PASK: variants seen among roughly 807,000 people sequenced by gnomAD.
PASK encodes the protein PAS domain-containing serine/threonine-protein kinase.
In PASK, 110 loss-of-function variants were observed where a neutral mutation model predicts 121.0. That is an observed-to-expected ratio of 0.91 (90% CI 0.78 to 1.06). The LOEUF (loss-of-function observed/expected upper bound fraction) is 1.06, where lower values mean the gene tolerates loss of function less well. Ranked by LOEUF, PASK falls within the 50% of genes least tolerant of loss-of-function variation. The probability of loss-of-function intolerance (pLI) is 0.00; values close to 1 mark genes in which losing one functional copy is unlikely to be tolerated. For missense variants in PASK, 1,643 were observed against 1,702.3 expected (o/e 0.97, Z 0.61); for synonymous variants, 686 against 717.8 (o/e 0.96, Z 0.71).
Position 241,126,695 on chromosome 2 carries a change from G to A in PASK, c.2220C>T (p.Ser740=), listed in dbSNP as rs2125428261. The A allele has an allele frequency of 6.2e-7, 1 of 1,614,218 alleles. No individual in the cohort carries two copies. The highest frequency in any genetic ancestry group is 1.1e-5 in the South Asian group (1 of 91,088). The stretch of plus-strand genomic sequence containing the variant: ...TGAAAAAGAGTTCCTTGAGGTTCCA[G>A]GAAAACGAATTCACATCAACCTCCT... ...EAQEVDVNSF[S]WNLKELFFSD... The change falls in exon 10 of 18, where the codon TCC becomes TCT. Residue 740 remains serine (S), a synonymous_variant. Coordinates refer to ENST00000234040, the MANE Select transcript of PASK (RefSeq NM_015148.4).
chr2:241,139,085 C>A (rs1366592515), intron 4 of PASK, among the ~76,000 whole-genome samples: 1 of 152,206 alleles, frequency 6.6e-6, no homozygotes, highest in Non-Finnish European at 1.5e-5. Flanking sequence ...CAGACACCAA[C>A]ACATGGTGAA....
upstream of PASK, chr2:241,150,254 C>G (rs950032386): frequency 2.3e-6 from 3 of 1,293,082 alleles, no homozygotes; most frequent in Admixed American, 3.9e-5. Context: ...TGCTTTCCTT[C>G]CCAGCTTCTC....
chr2:241,136,084 C>T lies in PASK; in HGVS notation c.1138-45G>A, dbSNP rs112392596. ...CATTTCAGAACCTGGAGGATCCACGCTGACCCACTGGACCGTCCCCCTGGG... is the reference window on the plus strand; with the variant it reads ...CATTTCAGAACCTGGAGGATCCACGTTGACCCACTGGACCGTCCCCCTGGG... On this transcript the variant is annotated intron_variant, in intron 7 of 17. Transcript: ENST00000234040. The T allele has an allele frequency of 1.1e-5, 17 of 1,518,748 alleles. No homozygotes were observed. In the African/African-American group the frequency reaches 1.2e-4, roughly 11 times the overall value. The allele number at this position is 1,518,748 out of a possible 1,614,324, so 94.1% of individuals were successfully genotyped here. A position where few individuals can be genotyped will look rare whatever the true frequency, so the allele number is the denominator to read the frequency against.
intron 1 of PASK, among the ~76,000 whole-genome samples, chr2:241,149,020 A>G: frequency 6.6e-6 from 1 of 151,994 alleles, no homozygotes; most frequent in Non-Finnish European, 1.5e-5. Flanking sequence ...CCACACGCCC[A>G]GTGCAGGAGG....
Position 241,127,045 on chromosome 2 carries a change from G to C in PASK, c.1870C>G (p.Gln624Glu), listed in dbSNP as rs749006064. 6.2e-7 allele frequency: 1 copy of C among 1,614,130 alleles called. No individual in the cohort carries two copies. Among genetic ancestry groups the C allele is most frequent in the Admixed American group, 1.7e-5 (1 of 60,036 alleles). ...CCAGAGGGGCTGGGGGCCAAGTCCT[G>C]GCTTCGCCACCACAAGCCCCATTCA... Reference protein sequence around the residue: ...GSEWGLWWRSQDLAPSPSGMA... With the variant: ...GSEWGLWWRSEDLAPSPSGMA... The change falls in exon 10 of 18, where the codon CAG becomes GAG. Residue 624 changes from glutamine (Q) to glutamate (E), a missense_variant. By Grantham distance (29) the Gln-to-Glu change is conservative (BLOSUM62 2). Coordinates refer to ENST00000234040, the MANE Select transcript of PASK (RefSeq NM_015148.4).
intron 8 of PASK, chr2:241,133,309 T>C (rs2066255300): frequency 6.2e-6 from 3 of 485,350 alleles, no homozygotes; most frequent in Non-Finnish European, 1.1e-5. Flanking sequence ...ACAGCTCCCA[T>C]CTGACTCTGG....
intron 8 of PASK, chr2:241,133,654 C>CT (rs1429009149): frequency 6.1e-6 from 1 of 163,538 alleles, no homozygotes; most frequent in Non-Finnish European, 1.3e-5. Flanking sequence ...ATGTATGTCT[C>CT]TTGGTTACAT....
In PASK at chr2:241,112,042, T is replaced by G. The variant is rs142998424; in HGVS notation, c.3533+198A>C. Among the ~76,000 whole-genome samples the G allele has an allele frequency of 5.4e-3, 826 of 152,180 alleles. 8 individuals are homozygous for G. The highest frequency in any genetic ancestry group is 0.018 in the African/African-American group (764 of 41,484). On this transcript the variant is annotated intron_variant, in intron 15 of 17. Transcript: ENST00000234040. The surrounding 1 kb of genome is among the most constrained non-coding windows in gnomAD (Gnocchi z 5.2). Reference sequence around the variant, plus strand: ...AAGCTGAGAAAATAAAATTATTAACTCCTATATCCATCGCCCAGTGCCTTT... The same window carrying G: ...AAGCTGAGAAAATAAAATTATTAACGCCTATATCCATCGCCCAGTGCCTTT...
At chr2:241,133,576 C>T (rs924136125) in intron 8 of PASK, 2 of 204,372 alleles carry the variant, frequency 9.8e-6, no homozygotes, top group Non-Finnish European at 2.0e-5. Flanking sequence ...TGTCACCTGG[C>T]TCCCTCCAGT....
At chr2:241,117,392 C>T (rs539364617) in intron 12 of PASK, among the ~76,000 whole-genome samples, 2 of 152,002 alleles carry the variant, frequency 1.3e-5, no homozygotes, top group East Asian at 1.9e-4. Context: ...CAGAAGCCTC[C>T]GGGAGGGCGG....
intron 8 of PASK, 123 bp from the exon 9 acceptor site, chr2:241,133,153 C>T: frequency 1.0e-6 from 1 of 976,710 alleles, no homozygotes; most frequent in Non-Finnish European, 1.6e-6. Flanking sequence ...CACCTCTCAC[C>T]ACCCCAGGCG....
Position 241,139,711 on chromosome 2 carries a change from A to T in PASK, c.600+174T>A. Reference sequence around the variant, plus strand: ...TCGTTCTTAAAGGGCCCCCACCCCCACTGCAGCTGAAGCGGGGAAACGGCG... The same window carrying T: ...TCGTTCTTAAAGGGCCCCCACCCCCTCTGCAGCTGAAGCGGGGAAACGGCG... On this transcript the variant is annotated intron_variant, in intron 4 of 17. Transcript: ENST00000234040. 5.6e-6 allele frequency: 4 copies of T among 718,192 alleles called. No individual in the cohort carries two copies. In the South Asian group the frequency reaches 6.0e-5, roughly 11 times the overall value. The allele number at this position is 718,192 out of a possible 1,614,324, so 44.5% of individuals were successfully genotyped here. A position where few individuals can be genotyped will look rare whatever the true frequency, so the allele number is the denominator to read the frequency against.
chr2:241,115,450 G>A, intron 12 of PASK, 37 bp from the exon 13 acceptor site: 7 of 1,612,314 alleles, frequency 4.3e-6, no homozygotes, highest in Non-Finnish European at 5.9e-6. Flanking sequence ...AATAGCTGGA[G>A]CCAGTCCTCA....
rs755820425 is a variant in PASK, at chr2:241,123,972, G to A, written c.2881C>T (p.Leu961Phe). The change falls in exon 11 of 18, where the codon CTC (leucine) becomes TTC (phenylalanine). Residue 961 changes from leucine (L) to phenylalanine (F), a missense_variant. This residue lies in a region of PASK where 453 missense variants were observed against 511.2 expected (regional missense o/e 0.89). Coordinates refer to ENST00000234040, the MANE Select transcript of PASK (RefSeq NM_015148.4). ...ACTTCCACCAGGCTGGGTCCGGTGA[G>A]CTCAGCAGCGGTAGAGTGGGTGGAG... ...PGSTHSTAAELTGPSLVEVLR... is the reference protein window; with the variant it reads ...PGSTHSTAAEFTGPSLVEVLR... The A allele has an allele frequency of 2.3e-5, 37 of 1,613,690 alleles. No individual in the cohort carries two copies. The highest frequency in any genetic ancestry group is 3.3e-5 in the South Asian group (3 of 91,066).
At chr2:241,122,261 T>C (rs1370659339) in intron 12 of PASK, among the ~76,000 whole-genome samples, 1 of 152,144 alleles carries the variant, frequency 6.6e-6, no homozygotes, top group African/African-American at 2.4e-5. Context: ...AAATTTTTTA[T>C]AATAAGAGAA....
In PASK at chr2:241,126,504, C is replaced by A; in HGVS notation, c.2411G>T (p.Cys804Phe). 1 of 1,614,268 alleles carries A rather than the reference C, an allele frequency of 6.2e-7. No individual in the cohort carries two copies. The highest frequency in any genetic ancestry group is 8.5e-7 in the Non-Finnish European group (1 of 1,180,050). ...DRELLLLTGT[C>F]VDLGQGRRFR... Reference sequence around the variant, plus strand: ...CCGTCGGCCTTGGCCAAGGTCAACACAGGTGCCGGTCAGTAGTAACAGCTC... The same window carrying A: ...CCGTCGGCCTTGGCCAAGGTCAACAAAGGTGCCGGTCAGTAGTAACAGCTC... Residue 804 changes from cysteine (C) to phenylalanine (F), a missense_variant, in exon 10 of 18, where the codon TGT becomes TTT. Coordinates refer to ENST00000234040, the MANE Select transcript of PASK (RefSeq NM_015148.4).
At chr2:241,129,704 C>T (rs374314548) in intron 9 of PASK, among the ~76,000 whole-genome samples, 1 of 152,368 alleles carries the variant, frequency 6.6e-6, no homozygotes, top group East Asian at 1.9e-4. Flanking sequence ...CCTCCAGCTG[C>T]CCTGGCAGCC....
At chr2:241,141,487 T>C (rs2066695950) in intron 2 of PASK, among the ~76,000 whole-genome samples, 1 of 152,070 alleles carries the variant, frequency 6.6e-6, no homozygotes, top group Admixed American at 6.5e-5. Context: ...AGCCCCGTCA[T>C]TCCTCAGGCC....
chr2:241,150,060 C>A, upstream of PASK: 2 of 1,344,984 alleles, frequency 1.5e-6, no homozygotes, highest in South Asian at 1.7e-5. Context: ...CAGGGATGCA[C>A]GTAGGACTGG....
Sources: allele counts gnomAD v4.1 joint callset (sites outside exome capture counted in the v4.1 genomes callset), GRCh38; gene constraint gnomAD v4.1.1; regional missense constraint gnomAD v4.1.1; non-coding constraint Gnocchi (gnomAD v3.1); transcripts MANE v1.5; gene names NCBI Gene and HGNC (gene_info 2026-07-23, HGNC 2026-07-21).